Variants in BTBD9 observed in about 807,000 individuals in gnomAD.
BTBD9 encodes BTB/POZ domain-containing protein 9.
Under a neutral mutation model 64.3 loss-of-function variants are expected in BTBD9, and 49 were observed. The observed-to-expected ratio is 0.76, with a 90% CI of 0.61 to 0.97. BTBD9 has a LOEUF of 0.97. BTBD9 is among the 50% of genes least tolerant of loss of function. The pLI, the probability that BTBD9 is intolerant of heterozygous loss-of-function variation, is 0.00. For synonymous variants in BTBD9, 260 were observed against 274.7 expected (o/e 0.95, Z 0.53); for missense variants, 598 against 762.1 (o/e 0.78, Z 2.53).
chr6:38,507,604 T>G (rs1368557519), intron 6 of BTBD9, among the ~76,000 whole-genome samples: 1 of 152,170 alleles, frequency 6.6e-6, no homozygotes, highest in Non-Finnish European at 1.5e-5. Flanking sequence ...TCATCACTCT[T>G]TCCTTCTCAA....
At chr6:38,315,189 A>T (rs1762989434) in intron 7 of BTBD9, among the ~76,000 whole-genome samples, 1 of 152,068 alleles carries the variant, frequency 6.6e-6, no homozygotes, top group Non-Finnish European at 1.5e-5. Flanking sequence ...TCTAAGTTAG[A>T]CTGGCTAAAG....
intron 9 of BTBD9, among the ~76,000 whole-genome samples, chr6:38,211,514 A>C (rs1762834523): frequency 6.6e-6 from 1 of 151,958 alleles, no homozygotes; most frequent in Admixed American, 6.6e-5. Flanking sequence ...AGGCCTAGGT[A>C]GATGGATCAC....
intron 6 of BTBD9, among the ~76,000 whole-genome samples, chr6:38,473,501 C>T (rs1211822075): frequency 1.3e-5 from 2 of 152,184 alleles, no homozygotes; most frequent in Non-Finnish European, 2.9e-5. Context: ...ATTCTACCAA[C>T]CGTCTACATT....
Position 38,184,302 on chromosome 6 carries a change from T to C in BTBD9, c.1641+8217A>G, listed in dbSNP as rs1182513398. Among the ~76,000 whole-genome samples the C allele has an allele frequency of 6.6e-6, 1 of 152,162 alleles. No individual in the cohort carries two copies. The highest frequency in any genetic ancestry group is 1.5e-5 in the Non-Finnish European group (1 of 68,040). On this transcript the variant is annotated intron_variant, in intron 10 of 10. Coordinates refer to ENST00000481247, the MANE Select transcript of BTBD9 (RefSeq NM_001099272.2). This position sits in a 1 kb window ranked among gnomAD's most constrained non-coding sequence, Gnocchi z 4.4. ...CTATCCCGGCTGTCCCTGCACTGCC[T>C]CCTCTCTGGCCCAGTACCTCGCATG...
chr6:38,415,815 C>T (rs1767640121), intron 6 of BTBD9, among the ~76,000 whole-genome samples: 1 of 152,012 alleles, frequency 6.6e-6, no homozygotes. Context: ...CATTCCTATC[C>T]ACTGATCCTC....
At chr6:38,284,021 T>C (rs1255075970) in intron 8 of BTBD9, among the ~76,000 whole-genome samples, 4 of 152,198 alleles carry the variant, frequency 2.6e-5, no homozygotes, top group South Asian at 2.1e-4. Flanking sequence ...ATCTCCAGCA[T>C]TGTCACAAGC....
intron 7 of BTBD9, among the ~76,000 whole-genome samples, chr6:38,298,266 C>T (rs1397884159): frequency 1.3e-5 from 2 of 151,944 alleles, no homozygotes; most frequent in Non-Finnish European, 2.9e-5. Flanking sequence ...TTTTATGTCT[C>T]TTAAATTTTA....
intron 9 of BTBD9, among the ~76,000 whole-genome samples, chr6:38,240,111 A>G (rs574977250): frequency 1.3e-5 from 2 of 152,340 alleles, no homozygotes; most frequent in South Asian, 4.1e-4. Context: ...ACTTCCCTCC[A>G]GCAGGCTGAA....
intron 6 of BTBD9, among the ~76,000 whole-genome samples, chr6:38,537,154 T>C (rs1774056045): frequency 6.6e-6 from 1 of 152,158 alleles, no homozygotes; most frequent in South Asian, 2.1e-4. Context: ...TGGAAATACT[T>C]GTAGACTGTA....
chr6:38,547,360 G>C (rs1204547153), intron 6 of BTBD9, among the ~76,000 whole-genome samples: 1 of 152,134 alleles, frequency 6.6e-6, no homozygotes, highest in African/African-American at 2.4e-5. Context: ...AGCCTGGGAG[G>C]TCGAGGCTGC....
At chr6:38,437,701 GAGA>G (rs888270747) in intron 6 of BTBD9, among the ~76,000 whole-genome samples, 81 of 152,172 alleles carry the variant, frequency 5.3e-4, no homozygotes, top group African/African-American at 1.9e-3. Context: ...AGTTCACGTA[GAGA>G]AGAAGGTTTC....
intron 9 of BTBD9, among the ~76,000 whole-genome samples, chr6:38,253,404 A>C (rs567820246): frequency 2.6e-5 from 4 of 152,276 alleles, no homozygotes; most frequent in African/African-American, 7.2e-5. Flanking sequence ...CTCACTCACT[A>C]TCACAAGGAC....
At chr6:38,246,319 C>T (rs1561921397) in intron 9 of BTBD9, among the ~76,000 whole-genome samples, 1 of 152,144 alleles carries the variant, frequency 6.6e-6, no homozygotes, top group African/African-American at 2.4e-5. Flanking sequence ...TTAGGTACTT[C>T]ATAACCCCAT....
intron 9 of BTBD9, among the ~76,000 whole-genome samples, chr6:38,202,085 G>GTTTTTTTT (rs147043026): frequency 3.3e-5 from 4 of 120,618 alleles, no homozygotes; most frequent in Admixed American, 9.1e-5. Context: ...CGTTTTTTTT[G>GTTTTTTTT]TTTTTTTTTT....
At chr6:38,284,689 T>C (rs550805675) in intron 8 of BTBD9, among the ~76,000 whole-genome samples, 81 of 152,336 alleles carry the variant, frequency 5.3e-4, no homozygotes, top group Non-Finnish European at 8.7e-4. Context: ...AGTGAACATT[T>C]ATAATACAAA....
rs541449653 is a variant in BTBD9 at position 38,291,325 on chromosome 6, G to A, written c.1265-2864C>T. ...GTTATTGGTGTATAGGAATGCTTGT[G>A]ATTTTTGCACATTGATTTTGTAACC... On this transcript the variant is annotated intron_variant, in intron 7 of 10. Coordinates refer to ENST00000481247, the MANE Select transcript of BTBD9 (RefSeq NM_001099272.2). Among the ~76,000 whole-genome samples the A allele has an allele frequency of 1.7e-4, 26 of 152,164 alleles. 1 individual carries two copies. The highest frequency in any genetic ancestry group is 3.1e-4 in the Non-Finnish European group (21 of 68,038).
chr6:38,603,520 A>G lies in BTBD9; in HGVS notation c.-27-5399T>C, dbSNP rs116846771. 3.0e-4 allele frequency among the ~76,000 whole-genome samples: 46 copies of G among 152,352 alleles called. 1 individual carries two copies. In the East Asian group the frequency reaches 8.5e-3, roughly 28 times the overall value. On this transcript the variant is annotated intron_variant, in intron 1 of 10. Transcript: ENST00000481247. ...ATAATTGCCCCTTAAGGGGGAAAAA[A>G]CCAAGTTGACCCAAACATCAATTTC...
chr6:38,289,005 C>T (rs1240440384), intron 7 of BTBD9, among the ~76,000 whole-genome samples: 1 of 152,096 alleles, frequency 6.6e-6, no homozygotes, highest in African/African-American at 2.4e-5. Context: ...TCAACAAAGT[C>T]AAAACTAAAA....
chr6:38,615,291 C>A (rs1777746576), intron 1 of BTBD9, among the ~76,000 whole-genome samples: 2 of 152,208 alleles, frequency 1.3e-5, no homozygotes, highest in Admixed American at 6.5e-5. Flanking sequence ...TATACATTTC[C>A]ACCCTTACAT....
Sources: gnomAD v4.1 joint callset for allele counts (sites outside exome capture counted in the v4.1 genomes callset) on GRCh38, gnomAD v4.1.1 for gene constraint, Gnocchi (gnomAD v3.1) non-coding constraint, MANE v1.5 for transcripts, NCBI Gene and HGNC (gene_info 2026-07-23, HGNC 2026-07-21) for gene names.